Variants in UGT1A9 observed in about 807,000 individuals in gnomAD.
UGT1A9 encodes the protein UDP-glucuronosyltransferase 1A9.
Under a neutral mutation model 45.0 loss-of-function variants are expected in UGT1A9, and 35 were observed. The observed-to-expected ratio is 0.78, with a 90% CI of 0.59 to 1.03. UGT1A9 has a LOEUF of 1.03. UGT1A9 is among the 50% of genes least tolerant of loss of function. The pLI is 0.00. For synonymous variants in UGT1A9, 278 were observed against 250.6 expected (o/e 1.11, Z -1.03); for missense variants, 687 against 666.6 (o/e 1.03, Z -0.34).
intron 1 of UGT1A9, among the ~76,000 whole-genome samples, chr2:233,704,121 C>T (rs1372423895): frequency 2.0e-5 from 3 of 151,972 alleles, no homozygotes; most frequent in Non-Finnish European, 4.4e-5. Flanking sequence ...AAACTCCTTA[C>T]CTCAAGTGAT....
intron 1 of UGT1A9, among the ~76,000 whole-genome samples, chr2:233,675,321 T>C (rs746332886): frequency 2.0e-5 from 3 of 152,174 alleles, no homozygotes; most frequent in Non-Finnish European, 4.4e-5. Flanking sequence ...TGTTGATTAA[T>C]GATGTGTAAA....
intron 1 of UGT1A9, among the ~76,000 whole-genome samples, chr2:233,721,047 T>A (rs1167296961): frequency 6.6e-6 from 1 of 152,100 alleles, no homozygotes; most frequent in Non-Finnish European, 1.5e-5. Flanking sequence ...TTGAGCCCTT[T>A]TTTGTCATAT....
intron 1 of UGT1A9, among the ~76,000 whole-genome samples, chr2:233,696,320 C>A (rs1433749193): frequency 6.6e-6 from 1 of 152,176 alleles, no homozygotes; most frequent in African/African-American, 2.4e-5. Flanking sequence ...TGGTCTTCAT[C>A]CTCATTTCCT....
At chr2:233,747,843 G>T in intron 1 of UGT1A9, 1 of 1,613,470 alleles carries the variant, frequency 6.2e-7, no homozygotes, top group Admixed American at 1.7e-5. Flanking sequence ...CCTGCAAAGG[G>T]TCAAGAACAT....
At chr2:233,718,681 T>C in intron 1 of UGT1A9, 1 of 1,572,088 alleles carries the variant, frequency 6.4e-7, no homozygotes, top group Admixed American at 1.8e-5. Context: ...GGGTAATAAG[T>C]AACTGGAGGA....
chr2:233,672,918 A>G (rs375274388), intron 1 of UGT1A9, 129 bp downstream of exon 1: 48 of 1,498,702 alleles, frequency 3.2e-5, no homozygotes, highest in African/African-American at 2.1e-4. Context: ...TTAACAAATT[A>G]TTTTGTGCCA....
intron 1 of UGT1A9, chr2:233,747,296 G>A: frequency 6.2e-7 from 1 of 1,602,124 alleles, no homozygotes; most frequent in South Asian, 1.1e-5. Flanking sequence ...TGGGCTGAGA[G>A]TGGGAAGGTG....
chr2:233,681,908 C>T, intron 1 of UGT1A9: 1 of 1,598,330 alleles, frequency 6.3e-7, no homozygotes, highest in Non-Finnish European at 8.5e-7. Context: ...CTTAGAATCC[C>T]AGCTGCTGGC....
intron 1 of UGT1A9, among the ~76,000 whole-genome samples, chr2:233,683,636 AT>A (rs1178695460): frequency 1.6e-4 from 25 of 152,252 alleles, no homozygotes; most frequent in African/African-American, 6.0e-4. Flanking sequence ...CATAAATAAA[AT>A]TTTGCACTTT....
At chr2:233,677,598 A>T (rs144127815) in intron 1 of UGT1A9, among the ~76,000 whole-genome samples, 2 of 152,342 alleles carry the variant, frequency 1.3e-5, no homozygotes, top group East Asian at 3.9e-4. Context: ...ACTAGTTACC[A>T]GAAAAATGAA....
chr2:233,747,273 C>T, intron 1 of UGT1A9: 4 of 1,598,968 alleles, frequency 2.5e-6, no homozygotes, highest in Non-Finnish European at 3.4e-6. Context: ...TACTCCTTCT[C>T]AGTGCCCAGC....
chr2:233,743,663 T>C, intron 1 of UGT1A9: 1 of 1,366,972 alleles, frequency 7.3e-7, no homozygotes, highest in Non-Finnish European at 9.8e-7. Flanking sequence ...CTCGAAGGGG[T>C]CCTCGAAGGG....
At chr2:233,740,062 C>A (rs6740653) in intron 1 of UGT1A9, among the ~76,000 whole-genome samples, 5,128 of 151,886 alleles carry the variant, frequency 0.034, 157 homozygotes, top group African/African-American at 0.051. Context: ...TACTCACAAG[C>A]TTTTCCTCTC....
chr2:233,691,613 G>A (rs2075050134), intron 1 of UGT1A9: 5 of 985,636 alleles, frequency 5.1e-6, no homozygotes, highest in South Asian at 4.7e-5. Flanking sequence ...CTCTGGGACC[G>A]CCCTCAGCAG....
At position 233,682,455 on chromosome 2, in the gene UGT1A9, T is replaced by G. The variant is rs769051709; in HGVS notation, c.855+9666T>G. 4 of 1,613,818 alleles carry G rather than the reference T, an allele frequency of 2.5e-6. No homozygotes were observed. The highest frequency in any genetic ancestry group is 1.3e-5 in the African/African-American group (1 of 74,892). ...TCTGTGGTCTTCGCCAGGGGAATAT[T>G]TTGCCACTATCTTGAAGAAGGTGCA... On this transcript the variant is annotated intron_variant, in intron 1 of 4. Transcript: ENST00000354728.
chr2:233,717,234 A>G (rs2076558835), intron 1 of UGT1A9, among the ~76,000 whole-genome samples: 1 of 152,176 alleles, frequency 6.6e-6, no homozygotes, highest in Admixed American at 6.5e-5. Flanking sequence ...GGTTCTTAAG[A>G]TGCAGACAGT....
chr2:233,761,154 G>C, intron 1 of UGT1A9: 3 of 1,614,240 alleles, frequency 1.9e-6, no homozygotes, highest in African/African-American at 2.7e-5. Context: ...TATCCCAGGT[G>C]TGTATTGGAG....
At chr2:233,716,242 C>T (rs116835228) in intron 1 of UGT1A9, among the ~76,000 whole-genome samples, 1,736 of 152,272 alleles carry the variant, frequency 0.011, 26 homozygotes, top group African/African-American at 0.04. Flanking sequence ...TTGTCCTGCC[C>T]GGACATCCAG....
Position 233,677,399 on chromosome 2 carries a change from T to A in UGT1A9, c.855+4610T>A, listed in dbSNP as rs548174080. Among the ~76,000 whole-genome samples, 4 of 152,322 alleles carry A rather than the reference T, an allele frequency of 2.6e-5. No individual in the cohort carries two copies. In the South Asian group the frequency reaches 8.3e-4, roughly 32 times the overall value. On this transcript the variant is annotated intron_variant, in intron 1 of 4. Transcript: ENST00000354728. Reference sequence around the variant, plus strand: ...GTGTAGTAGAAAATCCGCATAGAACTTTTGATTCTCCAAAAACTTAACTAC... The same window carrying A: ...GTGTAGTAGAAAATCCGCATAGAACATTTGATTCTCCAAAAACTTAACTAC...
Sources: allele counts gnomAD v4.1 joint callset (sites outside exome capture counted in the v4.1 genomes callset), GRCh38; gene constraint gnomAD v4.1.1; transcripts MANE v1.5; gene names NCBI Gene and HGNC (gene_info 2026-07-23, HGNC 2026-07-21).